TDRD3: variants seen among roughly 807,000 people sequenced by gnomAD.
TDRD3 encodes tudor domain containing 3, also known as tudor domain-containing protein 3.
A neutral mutation model predicts 86.7 loss-of-function variants in TDRD3; 45 were observed. That is an observed-to-expected ratio of 0.52 (90% CI 0.41 to 0.67). The LOEUF (loss-of-function observed/expected upper bound fraction) is 0.67. Among genes scored for constraint, TDRD3 ranks in the 30% least tolerant of loss-of-function variants. The pLI is 0.00. For synonymous variants in TDRD3, 298 were observed against 301.7 expected (o/e 0.99, Z 0.13); for missense variants, 814 against 889.0 (o/e 0.92, Z 1.07).
chr13:60,512,870 G>C (rs560780273), intron 10 of TDRD3, among the ~76,000 whole-genome samples: 2 of 152,286 alleles, frequency 1.3e-5, no homozygotes, highest in South Asian at 4.1e-4. Flanking sequence ...GGTGCAAGCT[G>C]TTGGTGGATC....
At chr13:60,423,211 G>T (rs1235205187) in intron 1 of TDRD3, among the ~76,000 whole-genome samples, 1 of 152,082 alleles carries the variant, frequency 6.6e-6, no homozygotes, top group Non-Finnish European at 1.5e-5. Flanking sequence ...AAATATTAAG[G>T]CCATATAAAA....
In TDRD3 at chr13:60,509,457, A is replaced by G. The variant is rs555845252; in HGVS notation, c.859-306A>G. On this transcript the variant is annotated intron_variant, in intron 8 of 13. Transcript: ENST00000377881. ...TTACCATGAAAAATTTTCATTAAGT[A>G]GTTTTCTCCTCACTGTCTATATTAT... 7.9e-5 allele frequency: 16 copies of G among 203,766 alleles called. No individual in the cohort carries two copies. The East Asian group carries it at 1.3e-3, about 16-fold the overall frequency. 12.6% of individuals were successfully genotyped at this position (203,766 alleles called of 1,614,324 possible).
chr13:60,549,642 A>T (rs981565332), intron 12 of TDRD3, among the ~76,000 whole-genome samples: 1 of 152,240 alleles, frequency 6.6e-6, no homozygotes, highest in East Asian at 1.9e-4. Flanking sequence ...AAAAGTTGTG[A>T]TATTTACTAA....
Position 60,508,315 on chromosome 13 carries a change from A to G in TDRD3, c.859-1448A>G, listed in dbSNP as rs1956981592. Among the ~76,000 whole-genome samples the G allele has an allele frequency of 2.0e-5, 3 of 152,314 alleles. No homozygotes were observed. In the South Asian group the frequency reaches 6.2e-4, roughly 32 times the overall value. On this transcript the variant is annotated intron_variant, in intron 8 of 13. Coordinates refer to ENST00000377881, the MANE Select transcript of TDRD3 (RefSeq NM_001146070.2). ...AAAAGGAGCCCATGTAGCAAAGACA[A>G]TCCTAAGCAAAAAGAACAAAGCTGG...
Position 60,494,534 on chromosome 13 carries a change from A to G in TDRD3, c.817A>G (p.Thr273Ala), listed in dbSNP as rs745588036. Reference sequence around the variant, plus strand: ...GGAAGTTTTACAGAAAGAAAAGTCAACCAAATCAGAGGGAAAACATGAAGG... The same window carrying G: ...GGAAGTTTTACAGAAAGAAAAGTCAGCCAAATCAGAGGGAAAACATGAAGG... ...NREVLQKEKS[T>A]KSEGKHEGVY... The change falls in exon 8 of 14, where the codon ACC becomes GCC. Residue 273 changes from threonine to alanine, a missense_variant. Transcript: ENST00000377881. The G allele has an allele frequency of 2.7e-5, 44 of 1,613,740 alleles. No individual in the cohort carries two copies. The highest frequency in any genetic ancestry group is 3.6e-5 in the Non-Finnish European group (42 of 1,179,856).
chr13:60,413,978 T>C (rs940669538), intron 1 of TDRD3, among the ~76,000 whole-genome samples: 5 of 152,178 alleles, frequency 3.3e-5, no homozygotes, highest in African/African-American at 9.6e-5. Flanking sequence ...TCTCTTAATA[T>C]GGACATGAAC....
At chr13:60,432,723 C>A (rs1566186807) in intron 1 of TDRD3, among the ~76,000 whole-genome samples, 1 of 152,072 alleles carries the variant, frequency 6.6e-6, no homozygotes, top group Non-Finnish European at 1.5e-5. Context: ...TTGCTAAGAT[C>A]AAAAATATCC....
At chr13:60,539,171 T>A (rs1301444834) in intron 12 of TDRD3, among the ~76,000 whole-genome samples, 3 of 152,140 alleles carry the variant, frequency 2.0e-5, no homozygotes, top group African/African-American at 4.8e-5. Flanking sequence ...TGTTTTTCTG[T>A]AGAATACTCA....
chr13:60,524,293 G>A (rs1481363332), intron 10 of TDRD3, among the ~76,000 whole-genome samples: 1 of 152,052 alleles, frequency 6.6e-6, no homozygotes, highest in Non-Finnish European at 1.5e-5. Flanking sequence ...GATCACTTGA[G>A]GTCAGGAGTT....
intron 12 of TDRD3, among the ~76,000 whole-genome samples, chr13:60,551,131 A>G (rs1958042146): frequency 6.6e-6 from 1 of 152,192 alleles, no homozygotes; most frequent in Non-Finnish European, 1.5e-5. Flanking sequence ...TAAACCTTTA[A>G]GAGTTTAATG....
chr13:60,433,149 T>C (rs1336877258), intron 1 of TDRD3, among the ~76,000 whole-genome samples: 2 of 152,224 alleles, frequency 1.3e-5, no homozygotes, highest in Non-Finnish European at 2.9e-5. Flanking sequence ...TGTGCAATAA[T>C]TCTGTATTTT....
chr13:60,416,284 GA>G (rs927773227), intron 1 of TDRD3, among the ~76,000 whole-genome samples: 1 of 146,768 alleles, frequency 6.8e-6, no homozygotes, highest in African/African-American at 2.5e-5. Flanking sequence ...TTTCTAATGA[GA>G]TTTTTTTTTT....
At chr13:60,555,801 G>T (rs1227343829) in intron 12 of TDRD3, among the ~76,000 whole-genome samples, 1 of 151,482 alleles carries the variant, frequency 6.6e-6, no homozygotes, top group African/African-American at 2.4e-5. Context: ...ACTTTTCAAG[G>T]TGATAGAAGT....
intron 1 of TDRD3, among the ~76,000 whole-genome samples, chr13:60,433,239 A>T (rs188612652): frequency 2.5e-4 from 38 of 152,342 alleles, no homozygotes; most frequent in South Asian, 1.2e-3. Context: ...GTAAAAGAGA[A>T]TAAAACTTTA....
intron 1 of TDRD3, among the ~76,000 whole-genome samples, chr13:60,399,772 G>T (rs1385277055): frequency 6.6e-6 from 1 of 152,202 alleles, no homozygotes; most frequent in Non-Finnish European, 1.5e-5. Flanking sequence ...ACACACTATT[G>T]TTAAATCTGT....
intron 4 of TDRD3, among the ~76,000 whole-genome samples, chr13:60,462,918 A>G (rs1186747723): frequency 6.6e-6 from 1 of 152,220 alleles, no homozygotes; most frequent in Non-Finnish European, 1.5e-5. Context: ...ATAAAAACAG[A>G]CACATAGACC....
chr13:60,411,119 A>G (rs897667067), intron 1 of TDRD3, among the ~76,000 whole-genome samples: 39 of 152,340 alleles, frequency 2.6e-4, no homozygotes, highest in African/African-American at 9.1e-4. Flanking sequence ...TGCAACACAG[A>G]CACCTGCCAT....
chr13:60,542,865 A>G (rs1270127416), intron 12 of TDRD3, among the ~76,000 whole-genome samples: 3 of 151,942 alleles, frequency 2.0e-5, no homozygotes, highest in African/African-American at 7.3e-5. Flanking sequence ...TTTGATGTAT[A>G]TGGGCTACCC....
intron 8 of TDRD3, among the ~76,000 whole-genome samples, chr13:60,495,708 A>T (rs935566240): frequency 6.6e-6 from 1 of 151,918 alleles, no homozygotes; most frequent in East Asian, 1.9e-4. Flanking sequence ...CAGATGATCC[A>T]CCCGCTTCTT....
Sources: gnomAD v4.1 joint callset for allele counts (sites outside exome capture counted in the v4.1 genomes callset) on GRCh38, gnomAD v4.1.1 for gene constraint, MANE v1.5 for transcripts, NCBI Gene and HGNC (gene_info 2026-07-23, HGNC 2026-07-21) for gene names.